The following ANKFN1 variants were observed in gnomAD, a reference collection of about 807,000 sequenced individuals.
ANKFN1 encodes the protein ankyrin repeat and fibronectin type III domain containing 1, also known as ankyrin repeat and fibronectin type-III domain-containing protein 1.
A neutral mutation model predicts 108.7 loss-of-function variants in ANKFN1; 74 were observed. The ratio of observed to expected loss-of-function variants is 0.68; its 90% confidence interval spans 0.56 to 0.83. ANKFN1 has a LOEUF of 0.83. Among genes scored for constraint, ANKFN1 ranks in the 40% least tolerant of loss-of-function variants. The pLI is 0.00. For missense variants in ANKFN1, 1,505 were observed against 1,382.3 expected, an observed-to-expected ratio of 1.09 and a Z score of -1.41; for synonymous variants, 547 against 516.2, an observed-to-expected ratio of 1.06 and a Z score of -0.81.
Position 56,480,888 on chromosome 17 carries a change from G to GGTGTGTGTGT in ANKFN1, c.2091+95_2091+104dup, listed in dbSNP as rs749625590. Reference sequence around the variant, plus strand: ...GAAACTGCATTGTAACATTAAGTGGGGTGTGTGTGTGTGTGTGTGTGTGTG... The same window carrying GGTGTGTGTGT: ...GAAACTGCATTGTAACATTAAGTGGGGTGTGTGTGTGTGTGTGTGTGTGTGTGTGTGTGTG... On this transcript the variant is annotated intron_variant, in intron 17 of 20. Transcript: ENST00000682825. 4,771 of 1,337,364 alleles carry GGTGTGTGTGT rather than the reference G, an allele frequency of 3.6e-3. 131 individuals carry two copies. In the African/African-American group the frequency reaches 0.068, roughly 19 times the overall value. 82.8% of individuals were successfully genotyped at this position (1,337,364 alleles called of 1,614,324 possible).
intron 1 of ANKFN1, among the ~76,000 whole-genome samples, chr17:56,205,362 T>C (rs550193345): frequency 2.6e-5 from 4 of 152,304 alleles, no homozygotes; most frequent in South Asian, 4.2e-4. Context: ...AACAAAATAA[T>C]TGGGAGTTGT....
At chr17:56,311,271 G>A (rs770687130) in intron 3 of ANKFN1, among the ~76,000 whole-genome samples, 1 of 152,162 alleles carries the variant, frequency 6.6e-6, no homozygotes, top group Non-Finnish European at 1.5e-5. Context: ...TACTAGCCAT[G>A]AGACTTGGGC....
At chr17:56,233,818 A>C (rs528029895) in intron 3 of ANKFN1, among the ~76,000 whole-genome samples, 72 of 152,170 alleles carry the variant, frequency 4.7e-4, no homozygotes, top group Non-Finnish European at 9.1e-4. Context: ...TGATGAATGA[A>C]TATAGTTTCC....
chr17:56,350,533 C>T (rs943564638), intron 4 of ANKFN1, among the ~76,000 whole-genome samples: 2 of 152,062 alleles, frequency 1.3e-5, no homozygotes, highest in Admixed American at 6.6e-5. Context: ...TGGAGGTTGT[C>T]GTTTCATTCC....
intron 2 of ANKFN1, among the ~76,000 whole-genome samples, chr17:56,224,209 C>A (rs1916083423): frequency 6.6e-6 from 1 of 152,214 alleles, no homozygotes; most frequent in Non-Finnish European, 1.5e-5. Flanking sequence ...ATTGTCTGAT[C>A]ACTGGCATAT....
intron 11 of ANKFN1, among the ~76,000 whole-genome samples, chr17:56,452,211 A>G (rs1475728641): frequency 6.6e-6 from 1 of 152,222 alleles, no homozygotes; most frequent in Admixed American, 6.5e-5. Context: ...TTTGTAGGTC[A>G]CATAGTAGGG....
chr17:56,467,842 GAAA>G (rs2050178862), intron 15 of ANKFN1, among the ~76,000 whole-genome samples: 2 of 50,818 alleles, frequency 3.9e-5, no homozygotes, highest in African/African-American at 8.4e-5. Flanking sequence ...AAGAAAGAAA[GAAA>G]GAAAGAAAAA....
chr17:56,257,783 G>A (rs1344912904), intron 3 of ANKFN1, among the ~76,000 whole-genome samples: 1 of 152,190 alleles, frequency 6.6e-6, no homozygotes, highest in Non-Finnish European at 1.5e-5. Context: ...GTTGCCATAG[G>A]TTTTCTCAAG....
At chr17:56,111,894 C>A (rs895886067) in intron 4 of ANKFN1, among the ~76,000 whole-genome samples, 1 of 152,116 alleles carries the variant, frequency 6.6e-6, no homozygotes, top group Non-Finnish European at 1.5e-5. Flanking sequence ...GCTGTTCCAG[C>A]GGCACAGCCT....
At position 56,067,770 on chromosome 17, in the gene ANKFN1, A is replaced by G. The variant is rs765155903; in HGVS notation, c.288+21445A>G. Among the ~76,000 whole-genome samples, 27 of 152,282 alleles carry G rather than the reference A, an allele frequency of 1.8e-4. No individual in the cohort carries two copies. The South Asian group carries it at 2.1e-3, about 12-fold the overall frequency. Reference sequence around the variant, plus strand: ...TCCTCAGCTTACCAGCTGCGAGTAAATTTTATTAACTACGAGGCAGGGAAG... The same window carrying G: ...TCCTCAGCTTACCAGCTGCGAGTAAGTTTTATTAACTACGAGGCAGGGAAG... On this transcript the variant is annotated intron_variant, in intron 4 of 12. Transcript: ENST00000635860.
At chr17:56,114,122 C>T (rs1906131260) in intron 4 of ANKFN1, among the ~76,000 whole-genome samples, 1 of 152,164 alleles carries the variant, frequency 6.6e-6, no homozygotes, top group Non-Finnish European at 1.5e-5. Context: ...ATGTTTCCTC[C>T]ATATTCATAT....
chr17:56,061,259 G>GTTTTTATTT (rs1231171269), intron 4 of ANKFN1, among the ~76,000 whole-genome samples: 1 of 60,568 alleles, frequency 1.7e-5, no homozygotes, highest in African/African-American at 6.9e-5. Context: ...TCTGATGGTA[G>GTTTTTATTT]TTTTTCTTTT....
chr17:56,499,011 A>G lies in ANKFN1; in HGVS notation c.2557A>G (p.Lys853Glu). The G allele has an allele frequency of 6.5e-7, 1 of 1,535,800 alleles. No individual in the cohort carries two copies. Among genetic ancestry groups the G allele is most frequent in the Non-Finnish European group, 8.7e-7 (1 of 1,146,680 alleles). Residue 853 changes from lysine to glutamate, a missense_variant, in exon 20 of 21, where the codon AAG becomes GAG. Coordinates refer to ENST00000682825, the MANE Select transcript of ANKFN1 (RefSeq NM_001370326.1). ...CCCCTCAGATGAGCAGAGCCTAAAG[A>G]AGATCAATTCTACATCATCATCACA... ...IDPSDEQSLK[K>E]INSTSSSHID...
chr17:56,121,281 C>T (rs1427165102), intron 4 of ANKFN1, among the ~76,000 whole-genome samples: 2 of 151,892 alleles, frequency 1.3e-5, no homozygotes, highest in Non-Finnish European at 2.9e-5. Flanking sequence ...CACTCAAAAG[C>T]GATCATCTTC....
rs575202226 is a variant in ANKFN1, at chr17:56,081,110, G to A, written c.288+34785G>A. On this transcript the variant is annotated intron_variant, in intron 4 of 12. Coordinates refer to the ANKFN1 transcript ENST00000635860. Reference sequence around the variant, plus strand: ...ATCTTGTTACTAGTGGTGAATCCATGCAGATCGGCAGCAACCTCAATTCTT... The same window carrying A: ...ATCTTGTTACTAGTGGTGAATCCATACAGATCGGCAGCAACCTCAATTCTT... Among the ~76,000 whole-genome samples, 5 of 152,308 alleles carry A rather than the reference G, an allele frequency of 3.3e-5. No homozygotes were observed. In the South Asian group the frequency reaches 1.0e-3, roughly 32 times the overall value.
chr17:56,474,940 T>G (rs1386516644), intron 15 of ANKFN1, among the ~76,000 whole-genome samples: 1 of 152,120 alleles, frequency 6.6e-6, no homozygotes, highest in Admixed American at 6.5e-5. Context: ...TTTGGCCAAG[T>G]GATCTTTTAA....
chr17:56,298,560 A>AC (rs2044583132), intron 3 of ANKFN1, among the ~76,000 whole-genome samples: 2 of 150,306 alleles, frequency 1.3e-5, no homozygotes, highest in East Asian at 2.0e-4. Context: ...TGACTTTCCC[A>AC]CCCCCAAGTC....
At chr17:56,263,242 G>A (rs901030403) in intron 3 of ANKFN1, among the ~76,000 whole-genome samples, 4 of 152,174 alleles carry the variant, frequency 2.6e-5, no homozygotes, top group African/African-American at 9.7e-5. Flanking sequence ...GAAAGCTATC[G>A]AGAGAATTCC....
chr17:56,086,702 T>C (rs8069872), intron 4 of ANKFN1, among the ~76,000 whole-genome samples: 10,813 of 151,364 alleles, frequency 0.071, 1,496 homozygotes, highest in African/African-American at 0.25. Context: ...GTCTTCTTTT[T>C]TTGTTATCTG....
Sources: allele counts gnomAD v4.1 joint callset (sites outside exome capture counted in the v4.1 genomes callset), GRCh38; gene constraint gnomAD v4.1.1; transcripts MANE v1.5; gene names NCBI Gene and HGNC (gene_info 2026-07-23, HGNC 2026-07-21).